PLXDC2: variants seen among roughly 807,000 people sequenced by gnomAD.
PLXDC2 encodes plexin domain containing 2.
Under a neutral mutation model 68.9 loss-of-function variants are expected in PLXDC2, and 40 were observed. The ratio of observed to expected loss-of-function variants is 0.58; its 90% CI spans 0.45 to 0.76. The LOEUF (loss-of-function observed/expected upper bound fraction) is 0.76. Ranked by LOEUF, PLXDC2 falls within the 30% of genes least tolerant of loss-of-function variation. The pLI is 0.00. For synonymous variants in PLXDC2, 243 were observed against 234.2 expected, an observed-to-expected ratio of 1.04 and a Z score of -0.34; for missense variants, 644 against 661.9, an observed-to-expected ratio of 0.97 and a Z score of 0.30.
At chr10:20,049,940 A>G (rs1292201439) in intron 3 of PLXDC2, among the ~76,000 whole-genome samples, 1 of 152,162 alleles carries the variant, frequency 6.6e-6, no homozygotes, top group Non-Finnish European at 1.5e-5. Flanking sequence ...TGGAAGCATC[A>G]CACTGCCCAA....
chr10:19,824,473 C>T (rs570842926), intron 1 of PLXDC2, among the ~76,000 whole-genome samples: 1 of 152,218 alleles, frequency 6.6e-6, no homozygotes, highest in Non-Finnish European at 1.5e-5. Flanking sequence ...TTGCTTTCCA[C>T]TTTCTCTTAA....
chr10:20,248,030 T>C (rs1043743854), intron 13 of PLXDC2, among the ~76,000 whole-genome samples: 1 of 152,182 alleles, frequency 6.6e-6, no homozygotes, highest in Admixed American at 6.5e-5. Context: ...AGTGACAAGC[T>C]AGAAAGCCTC....
At chr10:19,918,778 C>G (rs1486530706) in intron 1 of PLXDC2, among the ~76,000 whole-genome samples, 1 of 152,182 alleles carries the variant, frequency 6.6e-6, no homozygotes, top group Non-Finnish European at 1.5e-5. Flanking sequence ...CCTCAAACAA[C>G]AAATAAACTT....
At chr10:20,097,865 T>G (rs2131736220) in intron 4 of PLXDC2, among the ~76,000 whole-genome samples, 1 of 150,208 alleles carries the variant, frequency 6.7e-6, no homozygotes, top group East Asian at 1.9e-4. Context: ...TAAAAGTGAT[T>G]ATTGCTTTCA....
intron 2 of PLXDC2, among the ~76,000 whole-genome samples, chr10:20,039,566 T>C (rs938292805): frequency 1.3e-5 from 2 of 152,340 alleles, no homozygotes; most frequent in South Asian, 2.1e-4. Context: ...AAAGTACTTA[T>C]GATAGAAATT....
intron 7 of PLXDC2, among the ~76,000 whole-genome samples, chr10:20,167,792 A>G (rs1355331818): frequency 6.6e-6 from 1 of 152,166 alleles, no homozygotes; most frequent in Non-Finnish European, 1.5e-5. Flanking sequence ...AGTATTTCCC[A>G]GTAGATCACC....
rs572438263 is a variant in PLXDC2 at position 20,094,183 on chromosome 10, T to C, written c.541+25944T>C. Among the ~76,000 whole-genome samples the C allele has an allele frequency of 4.6e-5, 7 of 152,362 alleles. No individual in the cohort carries two copies. The South Asian group carries it at 1.4e-3, about 32-fold the overall frequency. ...TTCATCTGTAGATGAAGTCACCACT[T>C]GGATTTTTAGCTGAAGTAAAGGAAC... is the stretch of plus-strand genomic sequence containing the variant. On this transcript the variant is annotated intron_variant, in intron 4 of 13. Coordinates refer to ENST00000377252, the MANE Select transcript of PLXDC2 (RefSeq NM_032812.9).
chr10:19,832,742 G>A (rs1273482110), intron 1 of PLXDC2, among the ~76,000 whole-genome samples: 1 of 152,182 alleles, frequency 6.6e-6, no homozygotes, highest in African/African-American at 2.4e-5. Flanking sequence ...TACAGTGCGA[G>A]GGACAAACCA....
chr10:19,848,636 T>A (rs1347919985), intron 1 of PLXDC2, among the ~76,000 whole-genome samples: 2 of 152,238 alleles, frequency 1.3e-5, no homozygotes, highest in Non-Finnish European at 1.5e-5. Context: ...GTTGTCATTG[T>A]TGTTAACTTG....
chr10:20,198,104 G>A (rs997394193), intron 9 of PLXDC2, among the ~76,000 whole-genome samples: 2 of 152,168 alleles, frequency 1.3e-5, no homozygotes, highest in African/African-American at 4.8e-5. Flanking sequence ...TCCTTGATCA[G>A]AGAACATTCC....
Position 19,927,713 on chromosome 10 carries a change from C to CAAAAAAAAA in PLXDC2, c.113-74045_113-74037dup, listed in dbSNP as rs35250324. ...GAGACTCCATCTCAAGGAAAAAAAG[C>CAAAAAAAAA]AAAAAAAAAAAAAAAAAAAAAAAAA... On this transcript the variant is annotated intron_variant, in intron 1 of 13. Coordinates refer to ENST00000377252, the MANE Select transcript of PLXDC2 (RefSeq NM_032812.9). Among the ~76,000 whole-genome samples, 38 of 53,154 alleles carry CAAAAAAAAA rather than the reference C, an allele frequency of 7.1e-4. 1 individual carries two copies. The highest frequency in any genetic ancestry group is 2.3e-3 in the East Asian group (3 of 1,290). The allele number at this position is 53,154 out of a possible 152,430, so 34.9% of individuals were successfully genotyped here.
intron 1 of PLXDC2, among the ~76,000 whole-genome samples, chr10:19,867,524 A>G (rs1242600378): frequency 2.6e-5 from 4 of 152,136 alleles, no homozygotes. Flanking sequence ...CTTGGGGGCT[A>G]TTTTTTAAGC....
Position 20,020,130 on chromosome 10 carries a change from G to A in PLXDC2, c.324+18144G>A, listed in dbSNP as rs140860109. On this transcript the variant is annotated intron_variant, in intron 2 of 13. Transcript: ENST00000377252. The stretch of plus-strand genomic sequence containing the variant: ...GGGCTCAGGTGATCCTCCTGCCTTA[G>A]CCTCCTGAAAAGGTGGGGCTACAAA... Among the ~76,000 whole-genome samples, 309 of 149,576 alleles carry A rather than the reference G, an allele frequency of 2.1e-3. 5 individuals are homozygous for A. The highest frequency in any genetic ancestry group is 3.7e-4 in the Non-Finnish European group (25 of 67,762).
At position 19,853,405 on chromosome 10, in the gene PLXDC2, T is replaced by A. The variant is rs185147605; in HGVS notation, c.112+36214T>A. ...TTTCTCCTCCTTTATTTTTATTTTT[T>A]AATTTTAATTTTTATTTATTTATTT... On this transcript the variant is annotated intron_variant, in intron 1 of 13. Coordinates refer to ENST00000377252, the MANE Select transcript of PLXDC2 (RefSeq NM_032812.9). 4.7e-3 allele frequency among the ~76,000 whole-genome samples: 708 copies of A among 152,174 alleles called. 3 individuals carry two copies. The highest frequency in any genetic ancestry group is 6.9e-3 in the Non-Finnish European group (469 of 67,986).
At chr10:20,107,243 T>A (rs536658182) in intron 4 of PLXDC2, among the ~76,000 whole-genome samples, 64 of 152,162 alleles carry the variant, frequency 4.2e-4, no homozygotes, top group African/African-American at 1.4e-3. Context: ...TATATGTCAA[T>A]GTGTCTGATT....
chr10:19,821,494 C>G (rs1355974273), intron 1 of PLXDC2, among the ~76,000 whole-genome samples: 4 of 152,324 alleles, frequency 2.6e-5, no homozygotes, highest in Non-Finnish European at 2.9e-5. Flanking sequence ...CTACCTCTCT[C>G]TCATGTATTC....
At chr10:20,264,583 CA>C (rs1383459263) in intron 13 of PLXDC2, among the ~76,000 whole-genome samples, 11 of 150,558 alleles carry the variant, frequency 7.3e-5, no homozygotes, top group Middle Eastern at 6.9e-3. Context: ...TTAGAACAAC[CA>C]AAAAATGAAA....
At chr10:20,199,344 T>A (rs923979556) in intron 9 of PLXDC2, among the ~76,000 whole-genome samples, 2 of 151,996 alleles carry the variant, frequency 1.3e-5, no homozygotes, top group South Asian at 2.1e-4. Context: ...AACATTAAAG[T>A]AACAAAAAAG....
At chr10:19,898,961 T>A (rs1838111970) in intron 1 of PLXDC2, among the ~76,000 whole-genome samples, 1 of 152,190 alleles carries the variant, frequency 6.6e-6, no homozygotes, top group South Asian at 2.1e-4. Context: ...TTACAACTGC[T>A]TAACACTTTG....
Sources: allele counts gnomAD v4.1 joint callset (sites outside exome capture counted in the v4.1 genomes callset), GRCh38; gene constraint gnomAD v4.1.1; transcripts MANE v1.5; gene names NCBI Gene and HGNC (gene_info 2026-07-23, HGNC 2026-07-21).